Variants in IMMP2L observed in about 807,000 individuals in gnomAD.
IMMP2L encodes the protein mitochondrial inner membrane protease subunit 2.
Under a neutral mutation model 19.3 loss-of-function variants are expected in IMMP2L, and 18 were observed. The ratio of observed to expected loss-of-function variants is 0.93; its 90% CI spans 0.64 to 1.38. The LOEUF (loss-of-function observed/expected upper bound fraction) is 1.38. Ranked by LOEUF, IMMP2L falls within the 40% of genes most tolerant of loss-of-function variation. The pLI is 0.00. For synonymous variants in IMMP2L, 76 were observed against 73.0 expected (o/e 1.04, Z -0.21); for missense variants, 233 against 218.2 (o/e 1.07, Z -0.43).
chr7:110,814,298 A>G (rs1042608294), intron 5 of IMMP2L, among the ~76,000 whole-genome samples: 1 of 151,808 alleles, frequency 6.6e-6, no homozygotes, highest in Admixed American at 6.6e-5. Context: ...ACTGGGGCCT[A>G]CTTGAGGTTA....
chr7:111,261,754 G>C (rs988913532), intron 3 of IMMP2L, among the ~76,000 whole-genome samples: 25 of 152,026 alleles, frequency 1.6e-4, no homozygotes, highest in African/African-American at 6.0e-4. Context: ...GCCATTTCAG[G>C]CATAAAAATT....
intron 4 of IMMP2L, among the ~76,000 whole-genome samples, chr7:110,918,102 C>G (rs1033679376): frequency 6.6e-6 from 1 of 152,142 alleles, no homozygotes; most frequent in African/African-American, 2.4e-5. Flanking sequence ...ATGTACAAGT[C>G]TCTCCCTCAG....
intron 5 of IMMP2L, among the ~76,000 whole-genome samples, chr7:110,868,565 T>C (rs1051112771): frequency 1.6e-4 from 25 of 152,160 alleles, no homozygotes; most frequent in African/African-American, 5.8e-4. Context: ...AACTTTTGAG[T>C]GTCAGGCCCT....
chr7:110,963,064 C>G, intron 4 of IMMP2L: 1 of 1,526,980 alleles, frequency 6.5e-7, no homozygotes. Flanking sequence ...GTTTCTGTTT[C>G]ATATCCTTTT....
chr7:111,389,772 A>C (rs912559758), intron 3 of IMMP2L, among the ~76,000 whole-genome samples: 2 of 152,072 alleles, frequency 1.3e-5, no homozygotes, highest in African/African-American at 4.8e-5. Flanking sequence ...TATAACTATT[A>C]AGAAAAACCT....
intron 3 of IMMP2L, among the ~76,000 whole-genome samples, chr7:111,003,072 G>T (rs375723124): frequency 6.6e-6 from 1 of 152,106 alleles, no homozygotes; most frequent in South Asian, 2.1e-4. Context: ...TACCATTTGA[G>T]AGGATTTTTC....
intron 3 of IMMP2L, among the ~76,000 whole-genome samples, chr7:111,482,756 G>T (rs1842300947): frequency 6.6e-6 from 1 of 152,082 alleles, no homozygotes; most frequent in South Asian, 2.1e-4. Context: ...TTATTCAGGG[G>T]TTCTCACTGC....
intron 3 of IMMP2L, among the ~76,000 whole-genome samples, chr7:111,002,696 CCCTGAT>C: frequency 6.6e-6 from 1 of 152,178 alleles, no homozygotes; most frequent in Non-Finnish European, 1.5e-5. Context: ...GTTTCCACCA[CCCTGAT>C]CACAGGTTCT....
At chr7:111,165,263 T>C (rs1805699629) in intron 3 of IMMP2L, among the ~76,000 whole-genome samples, 1 of 152,086 alleles carries the variant, frequency 6.6e-6, no homozygotes, top group Non-Finnish European at 1.5e-5. Flanking sequence ...TTCTTCTTTT[T>C]TAAAGCTGAA....
At chr7:111,430,413 A>G (rs2131678532) in intron 3 of IMMP2L, among the ~76,000 whole-genome samples, 1 of 151,860 alleles carries the variant, frequency 6.6e-6, no homozygotes, top group African/African-American at 2.4e-5. Flanking sequence ...TAAAAATGTC[A>G]TCAAGTATGC....
chr7:111,479,691 G>A (rs191501154), intron 3 of IMMP2L, among the ~76,000 whole-genome samples: 9 of 151,964 alleles, frequency 5.9e-5, no homozygotes, highest in East Asian at 1.9e-4. Flanking sequence ...TGCAAATGCC[G>A]TCTTGTACTT....
intron 3 of IMMP2L, among the ~76,000 whole-genome samples, chr7:111,118,670 C>G (rs1400539770): frequency 6.6e-6 from 1 of 151,934 alleles, no homozygotes. Flanking sequence ...TAAGAAGATA[C>G]TATTATTACT....
chr7:111,021,532 T>G (rs1190269802), intron 3 of IMMP2L, among the ~76,000 whole-genome samples: 4 of 152,138 alleles, frequency 2.6e-5, no homozygotes, highest in Non-Finnish European at 5.9e-5. Context: ...AGTAGCAAAG[T>G]CACATCTTAC....
chr7:111,439,831 T>G (rs28704628), intron 3 of IMMP2L, among the ~76,000 whole-genome samples: 12,617 of 151,942 alleles, frequency 0.083, 737 homozygotes, highest in African/African-American at 0.12. Flanking sequence ...AAAACTTCTT[T>G]CAAAATTAGG....
At chr7:111,026,967 C>A (rs2129568023) in intron 3 of IMMP2L, among the ~76,000 whole-genome samples, 1 of 152,202 alleles carries the variant, frequency 6.6e-6, no homozygotes, top group East Asian at 1.9e-4. Flanking sequence ...TACACTTTTT[C>A]AACATAACTT....
intron 3 of IMMP2L, among the ~76,000 whole-genome samples, chr7:111,001,491 G>A (rs1175155496): frequency 2.0e-5 from 3 of 151,808 alleles, no homozygotes; most frequent in Non-Finnish European, 4.4e-5. Flanking sequence ...ACTTTGAGAG[G>A]GCAAGTTAAA....
At chr7:110,813,878 TA>T (rs1432383118) in intron 5 of IMMP2L, among the ~76,000 whole-genome samples, 2 of 151,980 alleles carry the variant, frequency 1.3e-5, no homozygotes, top group Non-Finnish European at 2.9e-5. Context: ...AAGAACACTT[TA>T]AAATTACACC....
At chr7:111,460,809 A>ATGTTCGTGTC (rs1840071712) in intron 3 of IMMP2L, among the ~76,000 whole-genome samples, 1 of 152,108 alleles carries the variant, frequency 6.6e-6, no homozygotes, top group Non-Finnish European at 1.5e-5. Flanking sequence ...GGTCAATATA[A>ATGTTCGTGTC]AAATATGGAC....
At chr7:111,187,621 G>A (rs6979545) in intron 3 of IMMP2L, among the ~76,000 whole-genome samples, 104,061 of 152,012 alleles carry the variant, frequency 0.68, 37,834 homozygotes, top group East Asian at 0.83. Flanking sequence ...AGGAATGAAC[G>A]TTGTCATTAG....
Sources: allele counts gnomAD v4.1 joint callset (sites outside exome capture counted in the v4.1 genomes callset), GRCh38; gene constraint gnomAD v4.1.1; transcripts MANE v1.5; gene names NCBI Gene and HGNC (gene_info 2026-07-23, HGNC 2026-07-21).